The following SLC9A8 variants were observed in gnomAD, a reference collection of about 807,000 sequenced individuals.
SLC9A8 encodes solute carrier family 9 member A8.
Under a neutral mutation model 66.6 loss-of-function variants are expected in SLC9A8, and 48 were observed. The observed-to-expected ratio is 0.72, with a 90% confidence interval of 0.57 to 0.92. The LOEUF (loss-of-function observed/expected upper bound fraction) is 0.92, where lower values mean the gene tolerates loss of function less well. SLC9A8 is among the 40% of genes least tolerant of loss of function. SLC9A8 has a pLI of 0.00. For missense variants in SLC9A8, 599 were observed against 747.3 expected (o/e 0.80, Z 2.31); for synonymous variants, 274 against 282.6 (o/e 0.97, Z 0.31).
At chr20:49,832,232 G>A (rs1395179529) in intron 3 of SLC9A8, among the ~76,000 whole-genome samples, 1 of 152,094 alleles carries the variant, frequency 6.6e-6, no homozygotes, top group Non-Finnish European at 1.5e-5. Flanking sequence ...CCTGACCAAC[G>A]ATAAGCATTT....
At chr20:49,816,442 C>A (rs1454155609) in intron 2 of SLC9A8, among the ~76,000 whole-genome samples, 1 of 151,332 alleles carries the variant, frequency 6.6e-6, no homozygotes, top group African/African-American at 2.4e-5. Flanking sequence ...CAAAAAAAAC[C>A]AAAAAACTAA....
chr20:49,886,912 C>T lies in SLC9A8; in HGVS notation c.1638+14C>T, dbSNP rs1208095746. The T allele has an allele frequency of 1.2e-6, 2 of 1,610,480 alleles. No individual in the cohort carries two copies. Among genetic ancestry groups the T allele is most frequent in the African/African-American group, 2.7e-5 (2 of 75,004 alleles). Reference sequence around the variant, plus strand: ...CTGACGCAGGAGGTGGGATACCGGCCAGGCCACACTTTCTGGGGGTCCCTT... The same window carrying T: ...CTGACGCAGGAGGTGGGATACCGGCTAGGCCACACTTTCTGGGGGTCCCTT... On this transcript the variant is annotated intron_variant, in intron 15 of 15. Transcript: ENST00000361573. This position sits in a 1 kb window ranked among gnomAD's most constrained non-coding sequence, Gnocchi z 4.8.
chr20:49,875,661 A>G (rs1237425488), intron 11 of SLC9A8, among the ~76,000 whole-genome samples: 6 of 152,006 alleles, frequency 3.9e-5, no homozygotes, highest in Non-Finnish European at 8.8e-5. Flanking sequence ...AGCTCTCACC[A>G]TGTCCCTTTA....
chr20:49,849,717 A>G (rs769746370), intron 6 of SLC9A8, 37 bp downstream of exon 6: 2 of 1,504,404 alleles, frequency 1.3e-6, no homozygotes, highest in East Asian at 2.3e-5. Flanking sequence ...TGAAAGTCTT[A>G]CATTCTTAGA....
chr20:49,887,841 G>A lies in SLC9A8; in HGVS notation c.1651G>A (p.Gly551Arg), dbSNP rs755689652. 18 of 1,608,136 alleles carry A rather than the reference G, an allele frequency of 1.1e-5. No homozygotes were observed. Among genetic ancestry groups the A allele is most frequent in the Non-Finnish European group, 1.4e-5 (17 of 1,176,640 alleles). The stretch of plus-strand genomic sequence containing the variant: ...TCTCTCGACCCAGGACCTGCACCAC[G>A]GGCGCATCCAGATGAAAACTCTCAC... ...RRLTQEDLHH[G>R]RIQMKTLTNK... Residue 551 changes from glycine to arginine, a missense_variant, in exon 16 of 16, where the codon GGG becomes AGG. This residue lies in a region of SLC9A8 where 467 missense variants were observed against 626.5 expected (regional missense o/e 0.75). Coordinates refer to ENST00000361573, the MANE Select transcript of SLC9A8 (RefSeq NM_015266.3).
At chr20:49,864,134 A>G (rs1220619397) in intron 9 of SLC9A8, among the ~76,000 whole-genome samples, 3 of 152,166 alleles carry the variant, frequency 2.0e-5, no homozygotes, top group Non-Finnish European at 4.4e-5. Context: ...GAGCTCCAGT[A>G]TAGGCATTGT....
intron 8 of SLC9A8, among the ~76,000 whole-genome samples, chr20:49,857,102 C>G (rs1204461002): frequency 6.6e-6 from 1 of 152,160 alleles, no homozygotes; most frequent in Non-Finnish European, 1.5e-5. Flanking sequence ...TGCCAAAACA[C>G]AGATGTTTGA....
chr20:49,833,036 G>T (rs1020278904), intron 3 of SLC9A8, among the ~76,000 whole-genome samples: 1 of 151,936 alleles, frequency 6.6e-6, no homozygotes, highest in Non-Finnish European at 1.5e-5. Flanking sequence ...CTCCCAAGTA[G>T]CTGGGACTAC....
intron 1 of SLC9A8, among the ~76,000 whole-genome samples, chr20:49,813,559 C>T (rs933869667): frequency 2.6e-5 from 4 of 152,132 alleles, no homozygotes; most frequent in African/African-American, 7.2e-5. Context: ...ATTATTGGAA[C>T]GCTAAGCATG....
chr20:49,834,437 ATATATATATATACTG>A (rs1345811045), intron 3 of SLC9A8, among the ~76,000 whole-genome samples: 5 of 28,412 alleles, frequency 1.8e-4, no homozygotes, highest in East Asian at 1.4e-3. Flanking sequence ...TATACTGTAT[ATATATATATATACTG>A]TATATATATA....
Position 49,812,920 on chromosome 20 carries a change from A to C in SLC9A8, c.-3A>C. ...AACTCGGTGGTCCTGGAAGCTCCGCAGGATGGGGGAGAAGATGGCGGAAGA... is the reference window on the plus strand; with the variant it reads ...AACTCGGTGGTCCTGGAAGCTCCGCCGGATGGGGGAGAAGATGGCGGAAGA... On this transcript the variant is annotated 5_prime_UTR_variant, in exon 1 of 16. Transcript: ENST00000361573. The C allele has an allele frequency of 6.7e-7, 1 of 1,485,350 alleles. No individual in the cohort carries two copies. The highest frequency in any genetic ancestry group is 8.9e-7 in the Non-Finnish European group (1 of 1,118,712). The allele number at this position is 1,485,350 out of a possible 1,614,324, so 92.0% of individuals were successfully genotyped here.
intron 10 of SLC9A8, among the ~76,000 whole-genome samples, chr20:49,873,978 A>T (rs1600788478): frequency 6.6e-6 from 1 of 151,420 alleles, no homozygotes; most frequent in African/African-American, 2.4e-5. Context: ...GGCCAGGTGC[A>T]GTGGCTCACA....
intron 13 of SLC9A8, among the ~76,000 whole-genome samples, chr20:49,882,544 C>T (rs1233635201): frequency 6.6e-6 from 1 of 152,224 alleles, no homozygotes; most frequent in Non-Finnish European, 1.5e-5. Flanking sequence ...TCACTGAGTG[C>T]GCTCACCCGT....
At chr20:49,878,205 TA>T (rs546419401) in intron 12 of SLC9A8, 142 bp downstream of exon 12, 39,846 of 384,486 alleles carry the variant, frequency 0.1, no homozygotes, top group East Asian at 0.13. Flanking sequence ...TTTCTTTTGT[TA>T]AAAAAAAAAA....
In SLC9A8 at chr20:49,886,784, G is replaced by A. The variant is rs2089907628; in HGVS notation, c.1524G>A (p.Glu508=). 6.2e-7 allele frequency: 1 copy of A among 1,614,142 alleles called. No homozygotes were observed. The highest frequency in any genetic ancestry group is 8.5e-7 in the Non-Finnish European group (1 of 1,180,000). The change falls in exon 15 of 16, where the codon GAG becomes GAA. Residue 508 remains glutamate, a synonymous_variant. Coordinates refer to ENST00000361573, the MANE Select transcript of SLC9A8 (RefSeq NM_015266.3). The surrounding 1 kb of genome is among the most constrained non-coding windows in gnomAD (Gnocchi z 4.8). The part of the protein sequence containing the change: ...GNTVESEHLS[E]LTEEEYEAHY... ...CTGTGGAGTCGGAGCACCTGTCGGA[G>A]CTCACGGAGGAGGAGTACGAGGCCC...
intron 8 of SLC9A8, among the ~76,000 whole-genome samples, chr20:49,858,773 C>T (rs369647738): frequency 8.6e-5 from 13 of 152,008 alleles, no homozygotes; most frequent in African/African-American, 1.9e-4. Flanking sequence ...GCCTTGCCAA[C>T]GTGGTGAAAC....
At chr20:49,855,652 A>G in intron 8 of SLC9A8, 71 bp downstream of exon 8, 1 of 1,429,552 alleles carries the variant, frequency 7.0e-7, no homozygotes, top group Admixed American at 2.0e-5. Context: ...AAAGGGGCAG[A>G]TATTTCCACA....
At chr20:49,854,269 G>A (rs1177659097) in intron 7 of SLC9A8, among the ~76,000 whole-genome samples, 1 of 152,058 alleles carries the variant, frequency 6.6e-6, no homozygotes, top group Non-Finnish European at 1.5e-5. Context: ...GAGGGAGCTG[G>A]TCCTGCCTCC....
Position 49,888,104 on chromosome 20 carries a change from G to A in SLC9A8, c.*168G>A. On this transcript the variant is annotated 3_prime_UTR_variant, in exon 16 of 16. Coordinates refer to ENST00000361573, the MANE Select transcript of SLC9A8 (RefSeq NM_015266.3). ...GTCGCCTTAGTCCAGAACCTGACAG[G>A]CCTCTGGAGCCAGGCGACTTCTTGG... 1 of 558,010 alleles carries A rather than the reference G, an allele frequency of 1.8e-6. No individual in the cohort carries two copies. The highest frequency in any genetic ancestry group is 3.2e-6 in the Non-Finnish European group (1 of 312,598). The allele number at this position is 558,010 out of a possible 1,614,324, so 34.6% of individuals were successfully genotyped here.
Sources: allele counts gnomAD v4.1 joint callset (sites outside exome capture counted in the v4.1 genomes callset), GRCh38; gene constraint gnomAD v4.1.1; regional missense constraint gnomAD v4.1.1; non-coding constraint Gnocchi (gnomAD v3.1); transcripts MANE v1.5; gene names NCBI Gene and HGNC (gene_info 2026-07-23, HGNC 2026-07-21).